The following TRPS1 variants were observed in gnomAD, a reference collection of about 807,000 sequenced individuals.
The protein encoded by TRPS1 is zinc finger transcription factor Trps1.
A neutral mutation model predicts 101.2 loss-of-function variants in TRPS1; 6 were observed. That is an observed-to-expected ratio of 0.06 (90% confidence interval 0.03 to 0.12). The LOEUF is 0.12. Among genes scored for constraint, TRPS1 ranks in the 10% least tolerant of loss-of-function variants. The pLI is 1.00. For synonymous variants in TRPS1, 578 were observed against 589.8 expected (o/e 0.98, Z 0.29); for missense variants, 1,363 against 1,567.0 (o/e 0.87, Z 2.20).
chr8:115,463,103 G>T (rs1042853968), intron 5 of TRPS1, among the ~76,000 whole-genome samples: 1 of 152,130 alleles, frequency 6.6e-6, no homozygotes, highest in Non-Finnish European at 1.5e-5. Context: ...AGCTGAAAAA[G>T]TGTTTGAATA....
intron 4 of TRPS1, among the ~76,000 whole-genome samples, chr8:115,599,384 A>C (rs1281740396): frequency 6.6e-6 from 1 of 151,934 alleles, no homozygotes; most frequent in East Asian, 1.9e-4. Flanking sequence ...CAGGTTTGTT[A>C]CACAGGTATA....
At chr8:115,465,802 C>T (rs555705292) in intron 5 of TRPS1, among the ~76,000 whole-genome samples, 2 of 152,186 alleles carry the variant, frequency 1.3e-5, no homozygotes, top group East Asian at 3.9e-4. Context: ...CTTATAACAG[C>T]TCACATCTAT....
intron 5 of TRPS1, among the ~76,000 whole-genome samples, chr8:115,564,782 C>T (rs763909979): frequency 3.3e-5 from 5 of 152,046 alleles, no homozygotes; most frequent in Non-Finnish European, 5.9e-5. Context: ...AGCAAGTAGT[C>T]AAAATACAGG....
intron 5 of TRPS1, among the ~76,000 whole-genome samples, chr8:115,577,017 C>A (rs2130415750): frequency 6.6e-6 from 1 of 152,252 alleles, no homozygotes; most frequent in Non-Finnish European, 1.5e-5. Flanking sequence ...TTCAGGTAGG[C>A]AATTTCTGAC....
intron 5 of TRPS1, among the ~76,000 whole-genome samples, chr8:115,481,183 G>A (rs1190294173): frequency 1.3e-5 from 2 of 148,426 alleles, no homozygotes; most frequent in East Asian, 1.9e-4. Context: ...TTGTTTGCCC[G>A]TTTACAGATC....
chr8:115,477,133 G>A (rs556939717), intron 5 of TRPS1, among the ~76,000 whole-genome samples: 1 of 152,182 alleles, frequency 6.6e-6, no homozygotes, highest in African/African-American at 2.4e-5. Flanking sequence ...TGAATTAAGT[G>A]AGAAATGTGA....
At chr8:115,515,669 G>T (rs969777189) in intron 5 of TRPS1, among the ~76,000 whole-genome samples, 1 of 151,290 alleles carries the variant, frequency 6.6e-6, no homozygotes, top group African/African-American at 2.4e-5. Flanking sequence ...TCATGTTGTG[G>T]TTTAATATTT....
intron 5 of TRPS1, among the ~76,000 whole-genome samples, chr8:115,559,385 A>G (rs1296010515): frequency 6.6e-6 from 1 of 152,128 alleles, no homozygotes; most frequent in East Asian, 1.9e-4. Flanking sequence ...GATAACACTA[A>G]ATTCATAAAG....
At chr8:115,639,902 A>G (rs1437542310) in intron 1 of TRPS1, among the ~76,000 whole-genome samples, 3 of 152,196 alleles carry the variant, frequency 2.0e-5, no homozygotes, top group Non-Finnish European at 4.4e-5. Context: ...TCACTTCATG[A>G]GGTAAACCCT....
intron 4 of TRPS1, among the ~76,000 whole-genome samples, chr8:115,602,022 G>GT (rs1159716823): frequency 6.6e-6 from 1 of 151,964 alleles, no homozygotes; most frequent in Non-Finnish European, 1.5e-5. Context: ...GGATTATTTT[G>GT]TTTACCTAAA....
chr8:115,648,620 T>C (rs1473612255), intron 1 of TRPS1, among the ~76,000 whole-genome samples: 1 of 152,234 alleles, frequency 6.6e-6, no homozygotes, highest in East Asian at 1.9e-4. Context: ...GTTCCTGATC[T>C]GCAGTTCTGA....
At chr8:115,434,763 T>C (rs1323748745) in intron 5 of TRPS1, among the ~76,000 whole-genome samples, 1 of 152,212 alleles carries the variant, frequency 6.6e-6, no homozygotes, top group Non-Finnish European at 1.5e-5. Context: ...TCTCTGCCCC[T>C]CTATTTCTTT....
chr8:115,559,282 C>A (rs899514657), intron 5 of TRPS1, among the ~76,000 whole-genome samples: 3 of 151,988 alleles, frequency 2.0e-5, no homozygotes, highest in Admixed American at 1.3e-4. Context: ...AATATTGATA[C>A]AAAAGTGAGA....
chr8:115,569,347 T>C (rs1817146185), intron 5 of TRPS1, among the ~76,000 whole-genome samples: 3 of 152,048 alleles, frequency 2.0e-5, no homozygotes. Context: ...CTCCTTTACT[T>C]CCACTAATTT....
intron 5 of TRPS1, among the ~76,000 whole-genome samples, chr8:115,498,672 G>C (rs1387067628): frequency 6.6e-6 from 1 of 151,758 alleles, no homozygotes; most frequent in Admixed American, 6.6e-5. Context: ...GAAAAAGTTA[G>C]TGTCACACAA....
At chr8:115,444,199 G>A (rs1434126590) in intron 5 of TRPS1, among the ~76,000 whole-genome samples, 1 of 152,166 alleles carries the variant, frequency 6.6e-6, no homozygotes, top group Non-Finnish European at 1.5e-5. Context: ...TTACCATCAT[G>A]TCTGGTGTCC....
At chr8:115,606,963 A>G (rs1204283753) in intron 3 of TRPS1, among the ~76,000 whole-genome samples, 1 of 152,110 alleles carries the variant, frequency 6.6e-6, no homozygotes, top group Non-Finnish European at 1.5e-5. Context: ...CAAAATCTAG[A>G]GATAAAAATT....
chr8:115,428,439 A>T (rs371415109), intron 5 of TRPS1, among the ~76,000 whole-genome samples: 13 of 152,334 alleles, frequency 8.5e-5, no homozygotes, highest in Admixed American at 2.6e-4. Flanking sequence ...AGGCTATCCA[A>T]TTGAGAGTAT....
At chr8:115,583,949 G>A (rs1006499184) in intron 5 of TRPS1, among the ~76,000 whole-genome samples, 36 of 151,812 alleles carry the variant, frequency 2.4e-4, no homozygotes, top group African/African-American at 8.0e-4. Flanking sequence ...AGAACATTTC[G>A]AAATTTTAGC....
Sources: gnomAD v4.1 joint callset for allele counts (sites outside exome capture counted in the v4.1 genomes callset) on GRCh38, gnomAD v4.1.1 for gene constraint, MANE v1.5 for transcripts, NCBI Gene and HGNC (gene_info 2026-07-23, HGNC 2026-07-21) for gene names.